The following ZNF385D variants were observed in gnomAD, a reference collection of about 807,000 sequenced individuals.
ZNF385D encodes zinc finger protein 385D.
A neutral mutation model predicts 35.8 loss-of-function variants in ZNF385D; 15 were observed. That is an observed-to-expected ratio of 0.42 (90% CI 0.28 to 0.64). ZNF385D has a LOEUF of 0.64. ZNF385D is among the 30% of genes least tolerant of loss of function. The pLI is 0.23. For missense variants in ZNF385D, 474 were observed against 494.6 expected, an observed-to-expected ratio of 0.96 and a Z score of 0.39; for synonymous variants, 212 against 186.8, an observed-to-expected ratio of 1.13 and a Z score of -1.10.
chr3:22,199,249 T>G (rs1696623599), intron 2 of ZNF385D, among the ~76,000 whole-genome samples: 1 of 152,120 alleles, frequency 6.6e-6, no homozygotes, highest in Non-Finnish European at 1.5e-5. Flanking sequence ...GCTATAATTG[T>G]CTGCCCAATG....
intron 3 of ZNF385D, among the ~76,000 whole-genome samples, chr3:22,124,991 C>T (rs959803071): frequency 1.3e-5 from 2 of 151,986 alleles, no homozygotes; most frequent in Admixed American, 1.3e-4. Flanking sequence ...AAATATTTTC[C>T]CAGACCAACA....
At chr3:21,739,705 G>A (rs1235010224) in intron 1 of ZNF385D, among the ~76,000 whole-genome samples, 1 of 152,170 alleles carries the variant, frequency 6.6e-6, no homozygotes, top group Admixed American at 6.5e-5. Flanking sequence ...TGCCCTCCTT[G>A]TACAGAGATG....
chr3:21,421,339 A>AG lies in ZNF385D; in HGVS notation c.1062dup (p.Phe355LeufsTer46). On this transcript the variant is annotated frameshift_variant, in exon 8 of 8. Transcript: ENST00000281523. LOFTEE classifies it high-confidence loss of function. Reference sequence around the variant, plus strand: ...GCTGCTGGAGCAGTTCGAAGACTGAAGGGGGAACTCACTGCCACTGCTGCT... The same window carrying AG: ...GCTGCTGGAGCAGTTCGAAGACTGAAGGGGGGAACTCACTGCCACTGCTGCT... 1 of 1,613,886 alleles carries AG rather than the reference A, an allele frequency of 6.2e-7. No individual in the cohort carries two copies. Among genetic ancestry groups the AG allele is most frequent in the Non-Finnish European group, 8.5e-7 (1 of 1,179,862 alleles).
intron 4 of ZNF385D, among the ~76,000 whole-genome samples, chr3:21,494,883 T>C (rs1232948001): frequency 6.6e-6 from 1 of 152,180 alleles, no homozygotes; most frequent in Non-Finnish European, 1.5e-5. Flanking sequence ...TGACATTAAG[T>C]TTAACAAATA....
intron 3 of ZNF385D, among the ~76,000 whole-genome samples, chr3:21,918,821 G>T (rs1445022033): frequency 6.6e-6 from 1 of 152,064 alleles, no homozygotes; most frequent in Non-Finnish European, 1.5e-5. Flanking sequence ...TTTTCAGAAT[G>T]AAATGACTTC....
At chr3:22,224,717 C>A (rs1698454050) in intron 2 of ZNF385D, among the ~76,000 whole-genome samples, 1 of 152,146 alleles carries the variant, frequency 6.6e-6, no homozygotes, top group Non-Finnish European at 1.5e-5. Flanking sequence ...TTAAAGTGAT[C>A]CCATCACTAC....
At chr3:22,121,537 G>C (rs1393346068) in intron 3 of ZNF385D, among the ~76,000 whole-genome samples, 2 of 152,298 alleles carry the variant, frequency 1.3e-5, no homozygotes, top group East Asian at 1.9e-4. Context: ...TGGTGAGCCT[G>C]TACAGAAGGA....
At chr3:22,143,910 A>G (rs1704681142) in intron 3 of ZNF385D, among the ~76,000 whole-genome samples, 1 of 152,176 alleles carries the variant, frequency 6.6e-6, no homozygotes. Context: ...ATTCATTTTT[A>G]ATATTAACAG....
At chr3:21,541,587 C>A (rs904686253) in intron 3 of ZNF385D, among the ~76,000 whole-genome samples, 1 of 152,106 alleles carries the variant, frequency 6.6e-6, no homozygotes, top group African/African-American at 2.4e-5. Flanking sequence ...TATGAGTTAC[C>A]TTTTCTTAAA....
chr3:21,459,247 C>A (rs554891610), intron 4 of ZNF385D: 1 of 152,192 alleles, frequency 6.6e-6, no homozygotes, highest in Admixed American at 6.5e-5. Context: ...TTTGGTGATT[C>A]CTTCTCTTTA....
chr3:21,519,338 G>T (rs927354609), intron 3 of ZNF385D, among the ~76,000 whole-genome samples: 3 of 152,104 alleles, frequency 2.0e-5, no homozygotes, highest in Non-Finnish European at 4.4e-5. Context: ...TCTAGATGGG[G>T]TCACTTTTCA....
chr3:21,678,741 G>A (rs921893595), intron 1 of ZNF385D, among the ~76,000 whole-genome samples: 5 of 152,022 alleles, frequency 3.3e-5, no homozygotes, highest in African/African-American at 1.2e-4. Context: ...TAAGAAGCAC[G>A]GCTTCTGAAA....
chr3:22,237,727 T>C (rs1378212100), intron 2 of ZNF385D, among the ~76,000 whole-genome samples: 1 of 152,144 alleles, frequency 6.6e-6, no homozygotes, highest in Non-Finnish European at 1.5e-5. Context: ...CACTAGAACC[T>C]CCGCCTCACA....
chr3:21,570,160 C>T (rs2063292703), intron 2 of ZNF385D, among the ~76,000 whole-genome samples: 1 of 152,074 alleles, frequency 6.6e-6, no homozygotes, highest in African/African-American at 2.4e-5. Context: ...TAGCTATTGA[C>T]ACGCTTACCC....
rs554761972 is a variant in ZNF385D, at chr3:21,939,387, T to A, written c.325+229430A>T. 2.0e-5 allele frequency among the ~76,000 whole-genome samples: 3 copies of A among 152,208 alleles called. No homozygotes were observed. The South Asian group carries it at 6.2e-4, about 32-fold the overall frequency. On this transcript the variant is annotated intron_variant, in intron 3 of 5. Transcript: ENST00000494108. The stretch of plus-strand genomic sequence containing the variant: ...ATTCAGAAGGTAAGAGTGGTGAAAA[T>A]GGAATCAAAACATAGTTTGACCTGA...
chr3:22,337,491 G>A (rs1043027583), intron 2 of ZNF385D, among the ~76,000 whole-genome samples: 8 of 152,132 alleles, frequency 5.3e-5, no homozygotes, highest in Non-Finnish European at 5.9e-5. Context: ...CCGAGATTGC[G>A]CCACTGCACT....
At chr3:21,915,144 T>C (rs1700135673) in intron 3 of ZNF385D, among the ~76,000 whole-genome samples, 1 of 152,016 alleles carries the variant, frequency 6.6e-6, no homozygotes, top group Admixed American at 6.6e-5. Context: ...ATGTTTTCCT[T>C]ACTGCTCAGA....
intron 2 of ZNF385D, among the ~76,000 whole-genome samples, chr3:22,218,952 C>T (rs757148674): frequency 9.2e-5 from 14 of 152,090 alleles, no homozygotes; most frequent in Non-Finnish European, 1.9e-4. Flanking sequence ...ATCTATTCTA[C>T]TTATTCACAC....
intron 3 of ZNF385D, among the ~76,000 whole-genome samples, chr3:21,981,366 T>G (rs1246567805): frequency 6.6e-6 from 1 of 151,994 alleles, no homozygotes; most frequent in East Asian, 1.9e-4. Context: ...CCTGCATGTC[T>G]TCTTTTGAGA....
Sources: gnomAD v4.1 joint callset for allele counts (sites outside exome capture counted in the v4.1 genomes callset) on GRCh38, gnomAD v4.1.1 for gene constraint, MANE v1.5 for transcripts, NCBI Gene and HGNC (gene_info 2026-07-23, HGNC 2026-07-21) for gene names.